VSTM2B: variants seen among roughly 807,000 people sequenced by gnomAD.
VSTM2B encodes the protein V-set and transmembrane domain-containing protein 2B.
In VSTM2B, 24 loss-of-function variants were observed where a neutral mutation model predicts 24.0. The ratio of observed to expected loss-of-function variants is 1.00; its 90% confidence interval spans 0.72 to 1.40. The LOEUF is 1.40. Among genes scored for constraint, VSTM2B ranks in the 40% most tolerant of loss-of-function variants. The probability of loss-of-function intolerance (pLI) is 0.00; values close to 1 mark genes in which losing one functional copy is unlikely to be tolerated. For synonymous variants in VSTM2B, 226 were observed against 194.4 expected, an observed-to-expected ratio of 1.16 and a Z score of -1.35; for missense variants, 399 against 416.4, an observed-to-expected ratio of 0.96 and a Z score of 0.36.
chr19:29,540,402 G>C (rs1969994858), intron 4 of VSTM2B, among the ~76,000 whole-genome samples: 1 of 152,246 alleles, frequency 6.6e-6, no homozygotes, highest in African/African-American at 2.4e-5. Context: ...ACTCAGAAAG[G>C]TGGGGCCAGG....
In VSTM2B at chr19:29,534,926, C is replaced by G. The variant is rs368175828; in HGVS notation, c.769+4636C>G. 5.9e-5 allele frequency among the ~76,000 whole-genome samples: 9 copies of G among 152,268 alleles called. No individual in the cohort carries two copies. The East Asian group carries it at 9.7e-4, about 16-fold the overall frequency. The stretch of plus-strand genomic sequence containing the variant: ...GCCACGAAGGAGAGAGGGGGGACTT[C>G]CTCCAGCCCTCATCCATTAGCTACC... On this transcript the variant is annotated intron_variant, in intron 4 of 4. Transcript: ENST00000335523.
At chr19:29,545,236 G>A (rs1225066632) in intron 4 of VSTM2B, among the ~76,000 whole-genome samples, 1 of 152,128 alleles carries the variant, frequency 6.6e-6, no homozygotes, top group East Asian at 1.9e-4. Flanking sequence ...GAGGTAGCCA[G>A]GCGAGAAGAG....
chr19:29,527,497 G>A (rs1254060310), intron 2 of VSTM2B, 102 bp downstream of exon 2: 10 of 1,092,448 alleles, frequency 9.2e-6, no homozygotes, highest in Non-Finnish European at 1.2e-5. Context: ...CGCGCAGGGC[G>A]CCGCCCTGTG....
At chr19:29,547,573 G>T (rs979808567) in intron 4 of VSTM2B, among the ~76,000 whole-genome samples, 1 of 152,160 alleles carries the variant, frequency 6.6e-6, no homozygotes, top group African/African-American at 2.4e-5. Context: ...GCTTGCTGGG[G>T]GCTGAGGAGA....
At position 29,530,234 on chromosome 19, in the gene VSTM2B, C is replaced by G. The variant is rs1042816876; in HGVS notation, c.713C>G (p.Ser238Trp). Reference sequence around the variant, plus strand: ...ACAGTCGCGGCAGCTGCTGCTGCCTCGTCAGCGTCGCCGCCATCGGGACAG... The same window carrying G: ...ACAGTCGCGGCAGCTGCTGCTGCCTGGTCAGCGTCGCCGCCATCGGGACAG... ...TTTVAAAAAASSASPPSGQAV... is the reference protein window; with the variant it reads ...TTTVAAAAAAWSASPPSGQAV... The change falls in exon 4 of 5, where the codon TCG becomes TGG. Residue 238 changes from serine to tryptophan, a missense_variant. By Grantham distance (177) the Ser-to-Trp change is radical. Coordinates refer to ENST00000335523, the MANE Select transcript of VSTM2B (RefSeq NM_001146339.2). 2.0e-6 allele frequency: 3 copies of G among 1,503,900 alleles called. No homozygotes were observed. The highest frequency in any genetic ancestry group is 1.4e-5 in the African/African-American group (1 of 68,976). 93.2% of individuals were successfully genotyped at this position (1,503,900 alleles called of 1,614,324 possible). A position where few individuals can be genotyped will look rare whatever the true frequency, so the allele number is the denominator to read the frequency against.
chr19:29,562,496 C>T (rs1324635830), intron 4 of VSTM2B, among the ~76,000 whole-genome samples: 2 of 152,212 alleles, frequency 1.3e-5, no homozygotes, highest in Non-Finnish European at 2.9e-5. Flanking sequence ...CACACCCCTC[C>T]TCACAGGCAC....
At chr19:29,539,702 A>G (rs1969979846) in intron 4 of VSTM2B, among the ~76,000 whole-genome samples, 1 of 152,222 alleles carries the variant, frequency 6.6e-6, no homozygotes. Context: ...TCCGTGGCTC[A>G]CTGTGCCCAG....
In VSTM2B at chr19:29,564,329, G is replaced by A. The variant is rs891563652; in HGVS notation, c.*395G>A. 4 of 152,338 alleles carry A rather than the reference G, an allele frequency of 2.6e-5. No homozygotes were observed. Among genetic ancestry groups the A allele is most frequent in the Admixed American group, 2.0e-4 (3 of 15,248 alleles). The allele number at this position is 152,338 out of a possible 1,614,324, so 9.4% of individuals were successfully genotyped here. A position where few individuals can be genotyped will look rare whatever the true frequency, so the allele number is the denominator to read the frequency against. On this transcript the variant is annotated 3_prime_UTR_variant, in exon 5 of 5. Coordinates refer to ENST00000335523, the MANE Select transcript of VSTM2B (RefSeq NM_001146339.2). ...ATTTTTAGTAGATTATTGTGTTTAG[G>A]ATTTTTTTTTAATTTACTTTTTTTC...
At position 29,526,781 on chromosome 19, in the gene VSTM2B, G is replaced by A. The variant is rs1969580825; in HGVS notation, c.82+116G>A. 4 of 1,001,120 alleles carry A rather than the reference G, an allele frequency of 4.0e-6. No homozygotes were observed. The African/African-American group carries it at 5.0e-5, about 13-fold the overall frequency. The allele number at this position is 1,001,120 out of a possible 1,614,324, so 62.0% of individuals were successfully genotyped here. Reference sequence around the variant, plus strand: ...AAGCTTCGCGGTCTCCAGCAATCCCGCTGTGCAGCCTGGGCCCGGAGGGGT... The same window carrying A: ...AAGCTTCGCGGTCTCCAGCAATCCCACTGTGCAGCCTGGGCCCGGAGGGGT... On this transcript the variant is annotated intron_variant, in intron 1 of 4. Transcript: ENST00000335523. The surrounding 1 kb of genome is among the most constrained non-coding windows in gnomAD (Gnocchi z 4.1).
chr19:29,557,939 C>T (rs528829131), intron 4 of VSTM2B, among the ~76,000 whole-genome samples: 6 of 152,120 alleles, frequency 3.9e-5, no homozygotes, highest in African/African-American at 1.4e-4. Flanking sequence ...GAAAATTTTG[C>T]AATCTATCCA....
At chr19:29,561,256 G>A (rs1970517096) in intron 4 of VSTM2B, among the ~76,000 whole-genome samples, 2 of 151,996 alleles carry the variant, frequency 1.3e-5, no homozygotes, top group African/African-American at 4.8e-5. Context: ...AGGTTGCAGT[G>A]AGCTGAGGTC....
intron 4 of VSTM2B, among the ~76,000 whole-genome samples, chr19:29,552,301 GT>G (rs1348659059): frequency 1.3e-5 from 2 of 152,204 alleles, no homozygotes; most frequent in African/African-American, 4.8e-5. Context: ...CAAATCCTAG[GT>G]CCTTCTTTTG....
intron 4 of VSTM2B, among the ~76,000 whole-genome samples, chr19:29,551,083 C>T (rs550502993): frequency 5.3e-5 from 8 of 152,216 alleles, no homozygotes; most frequent in African/African-American, 1.2e-4. Flanking sequence ...GCTGCCCTGG[C>T]GAGCTGTGCA....
intron 4 of VSTM2B, among the ~76,000 whole-genome samples, chr19:29,563,250 C>CTT (rs5827658): frequency 0.014 from 2,069 of 144,784 alleles, 36 homozygotes; most frequent in Non-Finnish European, 0.017. Context: ...AGCATATTGT[C>CTT]TTTTTTTTTT....
intron 4 of VSTM2B, among the ~76,000 whole-genome samples, chr19:29,534,726 A>AAAG (rs60859902): frequency 0.23 from 33,859 of 147,842 alleles, 4,264 homozygotes; most frequent in East Asian, 0.42. Flanking sequence ...CAAAAAAAAA[A>AAAG]AAAGAAAGAA....
At chr19:29,525,589 G>A (rs1969537563), upstream of VSTM2B, 1 of 152,510 alleles carries the variant, frequency 6.6e-6, no homozygotes, top group Non-Finnish European at 1.5e-5. Flanking sequence ...TCGCGGCCCC[G>A]GGCGCCCACC....
intron 4 of VSTM2B, among the ~76,000 whole-genome samples, chr19:29,541,030 G>T (rs1365839829): frequency 1.3e-5 from 2 of 152,226 alleles, no homozygotes; most frequent in Non-Finnish European, 2.9e-5. Flanking sequence ...GAGGGATCTG[G>T]GGAAATGCAA....
At chr19:29,535,341 C>A (rs1389280365) in intron 4 of VSTM2B, among the ~76,000 whole-genome samples, 1 of 152,170 alleles carries the variant, frequency 6.6e-6, no homozygotes, top group Non-Finnish European at 1.5e-5. Context: ...ATCCAGTTTG[C>A]AACTGAATGG....
chr19:29,539,189 T>C (rs1434710064), intron 4 of VSTM2B, among the ~76,000 whole-genome samples: 1 of 152,104 alleles, frequency 6.6e-6, no homozygotes, highest in Non-Finnish European at 1.5e-5. Context: ...CATCAGCAAA[T>C]TAAACCCCCA....
Sources: allele counts gnomAD v4.1 joint callset (sites outside exome capture counted in the v4.1 genomes callset), GRCh38; gene constraint gnomAD v4.1.1; non-coding constraint Gnocchi (gnomAD v3.1); transcripts MANE v1.5; gene names NCBI Gene and HGNC (gene_info 2026-07-23, HGNC 2026-07-21).